Variants in ARMC12 observed in about 807,000 individuals in gnomAD.
The protein encoded by ARMC12 is armadillo repeat-containing protein 12.
A neutral mutation model predicts 37.4 loss-of-function variants in ARMC12; 25 were observed. That is an observed-to-expected ratio of 0.67 (90% CI 0.49 to 0.93). ARMC12 has a LOEUF of 0.93. Among genes scored for constraint, ARMC12 ranks in the 40% least tolerant of loss-of-function variants. The probability of loss-of-function intolerance (pLI) is 0.00; values close to 1 mark genes in which losing one functional copy is unlikely to be tolerated. For synonymous variants in ARMC12, 167 were observed against 176.1 expected (o/e 0.95, Z 0.41); for missense variants, 384 against 426.6 (o/e 0.90, Z 0.88).
At chr6:35,739,335 T>C (rs1989555) in intron 3 of ARMC12, among the ~76,000 whole-genome samples, 5 of 152,270 alleles carry the variant, frequency 3.3e-5, no homozygotes, top group African/African-American at 1.2e-4. Flanking sequence ...TGTGTAAATG[T>C]GCATTCATCT....
chr6:35,744,686 T>C (rs1223073833), intron 3 of ARMC12, among the ~76,000 whole-genome samples: 1 of 151,202 alleles, frequency 6.6e-6, no homozygotes, highest in East Asian at 2.0e-4. Flanking sequence ...ACCTGGGAGG[T>C]GGAGGTTGCA....
upstream of ARMC12, chr6:35,736,966 C>T: frequency 7.7e-7 from 1 of 1,302,928 alleles, no homozygotes; most frequent in Non-Finnish European, 1.1e-6. Flanking sequence ...CCCTCCATCC[C>T]ATTATCTCCC....
chr6:35,737,392 G>C, intron 1 of ARMC12, 121 bp downstream of exon 1: 1 of 1,610,324 alleles, frequency 6.2e-7, no homozygotes, highest in Non-Finnish European at 8.5e-7. Flanking sequence ...TCTTTCTCTT[G>C]TCCATCTTCC....
chr6:35,738,292 G>C lies in ARMC12; in HGVS notation c.310-92G>C, dbSNP rs1307334455. ...TCTCTCTGGCTGATAGCGGTGGGGG[G>C]GGGGTGTGCGGAGGGATCTTGGTGA... On this transcript the variant is annotated intron_variant, in intron 2 of 5. Coordinates refer to ENST00000373866, the MANE Select transcript of ARMC12 (RefSeq NM_001286574.2). 22 of 1,430,284 alleles carry C rather than the reference G, an allele frequency of 1.5e-5. 2 individuals carry two copies. The African/African-American group carries it at 1.7e-4, about 11-fold the overall frequency. The allele number at this position is 1,430,284 out of a possible 1,614,324, so 88.6% of individuals were successfully genotyped here. A position where few individuals can be genotyped will look rare whatever the true frequency, so the allele number is the denominator to read the frequency against.
At position 35,738,121 on chromosome 6, in the gene ARMC12, G is replaced by T; in HGVS notation, c.258G>T (p.Lys86Asn). The T allele has an allele frequency of 1.2e-6, 2 of 1,614,046 alleles. No individual in the cohort carries two copies. The highest frequency in any genetic ancestry group is 1.7e-6 in the Non-Finnish European group (2 of 1,180,030). The change falls in exon 2 of 6, where the codon AAG becomes AAT. Residue 86 changes from lysine (K) to asparagine (N), a missense_variant. Physicochemically the swap from Lys to Asn is moderately conservative, Grantham distance 94 (BLOSUM62 0). Coordinates refer to ENST00000373866, the MANE Select transcript of ARMC12 (RefSeq NM_001286574.2). ...SLECKQDEYA[K>N]SMILHSITRC... The stretch of plus-strand genomic sequence containing the variant: ...AGTGCAAACAGGATGAGTATGCCAA[G>T]AGCATGATCCTGCACAGTATCACTC...
rs1279456987 is a variant in ARMC12, at chr6:35,748,777, C to T, written c.930C>T (p.Cys310=). ...HPEEDVQIQA[C]KVIVSLQYPQ... is the part of the protein sequence containing the mutation. ...AGGAAGATGTTCAGATCCAGGCCTG[C>T]AAGGTCATTGTCAGCCTGCAGTATC... The change falls in exon 6 of 6, where the codon TGC becomes TGT. Residue 310 remains cysteine, a synonymous_variant. Transcript: ENST00000373866. The T allele has an allele frequency of 2.5e-6, 4 of 1,614,106 alleles. No homozygotes were observed. The highest frequency in any genetic ancestry group is 1.3e-5 in the African/African-American group (1 of 74,924).
intron 2 of ARMC12, 46 bp downstream of exon 2, chr6:35,738,218 G>T: frequency 6.4e-7 from 1 of 1,552,042 alleles, no homozygotes; most frequent in South Asian, 1.1e-5. Context: ...GCCCCTGGGG[G>T]TTACGGCCGA....
intron 3 of ARMC12, among the ~76,000 whole-genome samples, chr6:35,742,685 C>A (rs2151042103): frequency 6.6e-6 from 1 of 152,220 alleles, no homozygotes; most frequent in East Asian, 1.9e-4. Context: ...ACTCCTTGAT[C>A]TCAATTTCCA....
At chr6:35,737,822 C>T (rs539774150) in intron 1 of ARMC12, among the ~76,000 whole-genome samples, 22 of 152,322 alleles carry the variant, frequency 1.4e-4, no homozygotes, top group Admixed American at 5.9e-4. Context: ...TATGATGGTA[C>T]GTTATGGACA....
In ARMC12 at chr6:35,738,535, G is replaced by A. The variant is rs780712568; in HGVS notation, c.444+17G>A. 36 of 1,613,690 alleles carry A rather than the reference G, an allele frequency of 2.2e-5. No homozygotes were observed. In the Admixed American group the frequency reaches 3.2e-4, roughly 14 times the overall value. ...AAAATCCAGGTGAGCCCAGGGATGC[G>A]TGGTGGGGCATGCAGGATGTCTATA... is the stretch of plus-strand genomic sequence containing the variant. On this transcript the variant is annotated intron_variant, in intron 3 of 5. Coordinates refer to ENST00000373866, the MANE Select transcript of ARMC12 (RefSeq NM_001286574.2).
At chr6:35,732,779 T>C (rs940403327), upstream of ARMC12, among the ~76,000 whole-genome samples, 16 of 152,104 alleles carry the variant, frequency 1.1e-4, no homozygotes, top group Non-Finnish European at 4.4e-5. Flanking sequence ...GTTGCAGGGC[T>C]CCTGTTCCTC....
Position 35,737,301 on chromosome 6 carries a change from C to G in ARMC12, c.163+30C>G, listed in dbSNP as rs370456072. ...GTGTCCGGGCCCTGGGGAGAGGGCT[C>G]TGCCCCAGGAGGCACCTGCTCCCGA... is the stretch of plus-strand genomic sequence containing the variant. On this transcript the variant is annotated intron_variant, in intron 1 of 5. Coordinates refer to ENST00000373866, the MANE Select transcript of ARMC12 (RefSeq NM_001286574.2). 3 of 1,614,124 alleles carry G rather than the reference C, an allele frequency of 1.9e-6. No homozygotes were observed. In the Admixed American group the frequency reaches 5.0e-5, roughly 27 times the overall value.
intron 3 of ARMC12, among the ~76,000 whole-genome samples, chr6:35,743,044 A>T (rs1309151131): frequency 6.6e-6 from 1 of 151,786 alleles, no homozygotes; most frequent in East Asian, 1.9e-4. Context: ...GCTGACTCCA[A>T]CCTGTCCTGC....
At chr6:35,745,205 A>G (rs1767300976) in intron 3 of ARMC12, among the ~76,000 whole-genome samples, 1 of 152,346 alleles carries the variant, frequency 6.6e-6, no homozygotes. Flanking sequence ...AATAGCCCCA[A>G]ACTGGAAACA....
rs1270076284 is a variant in ARMC12 at position 35,746,471 on chromosome 6, T to C, written c.445-790T>C. On this transcript the variant is annotated intron_variant, in intron 3 of 5. Transcript: ENST00000373866. ...TAAGGACTTTAGCTTTTACACTGAA[T>C]GAAATGGGGGCTCTTGAGCAGAGGA... is the stretch of plus-strand genomic sequence containing the variant. Among the ~76,000 whole-genome samples the C allele has an allele frequency of 2.0e-5, 3 of 152,030 alleles. No homozygotes were observed. In the East Asian group the frequency reaches 5.8e-4, roughly 29 times the overall value.
In ARMC12 at chr6:35,742,125, G is replaced by A. The variant is rs563354595; in HGVS notation, c.444+3607G>A. ...ACCTGCCTCAGCCTCCCAAAGTGCT[G>A]GGATTGCAGGTGTCAGTCACCACAC... On this transcript the variant is annotated intron_variant, in intron 3 of 5. Coordinates refer to ENST00000373866, the MANE Select transcript of ARMC12 (RefSeq NM_001286574.2). Among the ~76,000 whole-genome samples the A allele has an allele frequency of 3.9e-5, 6 of 152,064 alleles. No individual in the cohort carries two copies. The East Asian group carries it at 1.2e-3, about 30-fold the overall frequency.
chr6:35,748,833 G>A lies in ARMC12; in HGVS notation c.986G>A (p.Cys329Tyr). Residue 329 changes from cysteine to tyrosine, a missense_variant, in exon 6 of 6, where the codon TGC becomes TAC. Coordinates refer to ENST00000373866, the MANE Select transcript of ARMC12 (RefSeq NM_001286574.2). ...GACTTGAGAGCCCGGCCCTCCTCCT[G>A]CCAGCCCAGTCGTTCCTACTTTAAA... ...PQDLRARPSS[C>Y]QPSRSYFKNT... is the part of the protein sequence containing the mutation. The A allele has an allele frequency of 6.2e-7, 1 of 1,613,546 alleles. No individual in the cohort carries two copies. Among genetic ancestry groups the A allele is most frequent in the South Asian group, 1.1e-5 (1 of 91,018 alleles).
Position 35,744,600 on chromosome 6 carries a change from C to G in ARMC12, c.445-2661C>G, listed in dbSNP as rs201228469. Reference sequence around the variant, plus strand: ...TGAAACCCCATCTCTACTAAAAATACAAAAACTAGCTGGGCATGGTGGTGG... The same window carrying G: ...TGAAACCCCATCTCTACTAAAAATAGAAAAACTAGCTGGGCATGGTGGTGG... On this transcript the variant is annotated intron_variant, in intron 3 of 5. Coordinates refer to ENST00000373866, the MANE Select transcript of ARMC12 (RefSeq NM_001286574.2). Among the ~76,000 whole-genome samples, 17 of 151,970 alleles carry G rather than the reference C, an allele frequency of 1.1e-4. No homozygotes were observed. In the East Asian group the frequency reaches 3.3e-3, roughly 30 times the overall value.
chr6:35,745,827 C>G (rs1445506605), intron 3 of ARMC12, among the ~76,000 whole-genome samples: 1 of 152,152 alleles, frequency 6.6e-6, no homozygotes, highest in Non-Finnish European at 1.5e-5. Context: ...GGGCATATTA[C>G]CTAAGGTCAG....
Sources: allele counts gnomAD v4.1 joint callset (sites outside exome capture counted in the v4.1 genomes callset), GRCh38; gene constraint gnomAD v4.1.1; transcripts MANE v1.5; gene names NCBI Gene and HGNC (gene_info 2026-07-23, HGNC 2026-07-21).